ABCA13: variants seen among roughly 807,000 people sequenced by gnomAD.
ABCA13 encodes ATP binding cassette subfamily A member 13.
In ABCA13, 476 loss-of-function variants were observed where a neutral mutation model predicts 478.7. That is an observed-to-expected ratio of 0.99 (90% CI 0.92 to 1.07). ABCA13 has a LOEUF of 1.07. ABCA13 is among the 50% of genes least tolerant of loss of function. The pLI is 0.00. For missense variants in ABCA13, 6,060 were observed against 5,910.6 expected (o/e 1.03, Z -0.83); for synonymous variants, 2,252 against 2,158.9 (o/e 1.04, Z -1.20).
chr7:48,280,778 T>C (rs1486737217), intron 18 of ABCA13, among the ~76,000 whole-genome samples: 1 of 152,226 alleles, frequency 6.6e-6, no homozygotes, highest in African/African-American at 2.4e-5. Flanking sequence ...ATGTCTTTAG[T>C]TGGTGAAACA....
chr7:48,209,034 G>T (rs1334664213), intron 3 of ABCA13, among the ~76,000 whole-genome samples: 1 of 151,920 alleles, frequency 6.6e-6, no homozygotes, highest in East Asian at 1.9e-4. Flanking sequence ...TTTATTTAAT[G>T]CTTTTTCAAC....
At chr7:48,609,028 C>A (rs1791758136) in intron 58 of ABCA13, among the ~76,000 whole-genome samples, 1 of 151,980 alleles carries the variant, frequency 6.6e-6, no homozygotes, top group Non-Finnish European at 1.5e-5. Context: ...ATTTGATAAA[C>A]CTTCTACTTT....
Position 48,517,029 on chromosome 7 carries a change from G to A in ABCA13, c.13797+148G>A. 3.2e-6 allele frequency: 3 copies of A among 937,602 alleles called. No homozygotes were observed. The South Asian group carries it at 6.9e-5, about 21-fold the overall frequency. 58.1% of individuals were successfully genotyped at this position (937,602 alleles called of 1,614,324 possible). On this transcript the variant is annotated intron_variant, in intron 52 of 61. Transcript: ENST00000435803. ...TCTTTAAACTCCAGAGAGATAAATG[G>A]ATTCTAATTAACAAAAAACACATTG...
At chr7:48,208,604 C>T (rs1785229781) in intron 3 of ABCA13, among the ~76,000 whole-genome samples, 1 of 151,750 alleles carries the variant, frequency 6.6e-6, no homozygotes, top group Non-Finnish European at 1.5e-5. Flanking sequence ...TTCTTTTTCA[C>T]ATTGTTCACT....
At chr7:48,416,229 A>G (rs1184954503) in intron 41 of ABCA13, among the ~76,000 whole-genome samples, 1 of 152,236 alleles carries the variant, frequency 6.6e-6, no homozygotes, top group Non-Finnish European at 1.5e-5. Context: ...CAAAGCTGCA[A>G]CCTGTTGAAA....
At chr7:48,598,952 C>A (rs1239544910) in intron 58 of ABCA13, among the ~76,000 whole-genome samples, 2 of 151,962 alleles carry the variant, frequency 1.3e-5, no homozygotes, top group Non-Finnish European at 2.9e-5. Context: ...TATCTTTTAT[C>A]CCACTGAATT....
Position 48,219,459 on chromosome 7 carries a change from GGC to G in ABCA13, c.394_395del (p.Ala132LysfsTer29). ...AEEIHGMMDK[A>X]KNLKRLWVER... ...AGGAAATTCATGGAATGATGGACAA[GGC>G]AAAAAACTTAAAAAGACTTTGGGTA... On this transcript the variant is annotated frameshift_variant, in exon 4 of 62. Transcript: ENST00000435803. LOFTEE classifies it high-confidence loss of function. 1 of 1,612,932 alleles carries G rather than the reference GGC, an allele frequency of 6.2e-7. No individual in the cohort carries two copies. Among genetic ancestry groups the G allele is most frequent in the Non-Finnish European group, 8.5e-7 (1 of 1,179,528 alleles).
intron 23 of ABCA13, among the ~76,000 whole-genome samples, chr7:48,299,160 C>A (rs551667156): frequency 2.6e-5 from 4 of 152,294 alleles, no homozygotes; most frequent in African/African-American, 9.6e-5. Context: ...TCTGAGACAG[C>A]TTTCAGCACT....
intron 48 of ABCA13, among the ~76,000 whole-genome samples, chr7:48,499,306 T>G (rs1323674317): frequency 2.0e-5 from 3 of 152,226 alleles, no homozygotes; most frequent in Non-Finnish European, 4.4e-5. Flanking sequence ...TATCTCATAA[T>G]GAATTAATTA....
chr7:48,258,618 T>C (rs975634018), intron 15 of ABCA13, among the ~76,000 whole-genome samples: 1 of 152,164 alleles, frequency 6.6e-6, no homozygotes, highest in Non-Finnish European at 1.5e-5. Flanking sequence ...TGGTTATTTC[T>C]TGTTTTCTGC....
intron 27 of ABCA13, among the ~76,000 whole-genome samples, chr7:48,334,170 A>G (rs1337191027): frequency 6.6e-6 from 1 of 152,118 alleles, no homozygotes; most frequent in Non-Finnish European, 1.5e-5. Flanking sequence ...AAGATTTTAC[A>G]GATCTTCTAC....
At chr7:48,388,853 A>G (rs548894503) in intron 36 of ABCA13, among the ~76,000 whole-genome samples, 187 bp from the exon 37 acceptor site, 2 of 152,316 alleles carry the variant, frequency 1.3e-5, no homozygotes, top group African/African-American at 4.8e-5. Context: ...GTAATCAGTG[A>G]TATCACTTAA....
At chr7:48,387,998 C>T in intron 36 of ABCA13, 39 bp downstream of exon 36, 1 of 1,573,820 alleles carries the variant, frequency 6.4e-7, no homozygotes, top group Non-Finnish European at 8.6e-7. Flanking sequence ...ATGTATTTTT[C>T]CTTTGATCCA....
chr7:48,280,858 C>T (rs1405227639), intron 18 of ABCA13, among the ~76,000 whole-genome samples: 1 of 152,202 alleles, frequency 6.6e-6, no homozygotes, highest in African/African-American at 2.4e-5. Flanking sequence ...CTTCCTTCTT[C>T]ATCTCCTCCT....
At chr7:48,618,106 C>A (rs1356683017) in intron 59 of ABCA13, among the ~76,000 whole-genome samples, 1 of 152,126 alleles carries the variant, frequency 6.6e-6, no homozygotes, top group African/African-American at 2.4e-5. Context: ...TTCATCCCAC[C>A]TTCCTGAGCC....
At chr7:48,226,343 A>G (rs1231812442) in intron 5 of ABCA13, among the ~76,000 whole-genome samples, 1 of 152,166 alleles carries the variant, frequency 6.6e-6, no homozygotes, top group Non-Finnish European at 1.5e-5. Flanking sequence ...GAAAGAGCTC[A>G]TTCTGGGAGC....
intron 42 of ABCA13, among the ~76,000 whole-genome samples, chr7:48,442,258 C>T (rs1169225133): frequency 7.1e-6 from 1 of 140,896 alleles, no homozygotes; most frequent in East Asian, 2.2e-4. Context: ...GTTGTATTGG[C>T]AGCTTGGGCT....
intron 55 of ABCA13, among the ~76,000 whole-genome samples, chr7:48,532,565 T>C (rs886770104): frequency 2.6e-5 from 4 of 152,146 alleles, no homozygotes; most frequent in Admixed American, 2.6e-4. Context: ...TAGAATAGTG[T>C]CAATAGGATT....
At position 48,272,667 on chromosome 7, in the gene ABCA13, C is replaced by A. The variant is rs1795777477; in HGVS notation, c.3001C>A (p.Gln1001Lys). 6.2e-7 allele frequency: 1 copy of A among 1,612,884 alleles called. No individual in the cohort carries two copies. The highest frequency in any genetic ancestry group is 1.3e-5 in the African/African-American group (1 of 75,006). The change falls in exon 17 of 62, where the codon CAA (glutamine) becomes AAA (lysine). Residue 1001 changes from glutamine to lysine, a missense_variant. Physicochemically the swap from Gln to Lys is moderately conservative, Grantham distance 53 (BLOSUM62 1). This residue lies in a region of ABCA13 where 4,423 missense variants were observed against 4,309.1 expected (regional missense o/e 1.03). Coordinates refer to ENST00000435803, the MANE Select transcript of ABCA13 (RefSeq NM_152701.5). Reference sequence around the variant, plus strand: ...AAAACACATTTTGGATATCATAAAACAATTTAATTTCCAAAACATCAGTAA... The same window carrying A: ...AAAACACATTTTGGATATCATAAAAAAATTTAATTTCCAAAACATCAGTAA... ...ISKHILDIIK[Q>K]FNFQNISKAF...
Sources: allele counts gnomAD v4.1 joint callset (sites outside exome capture counted in the v4.1 genomes callset), GRCh38; gene constraint gnomAD v4.1.1; regional missense constraint gnomAD v4.1.1; transcripts MANE v1.5; gene names NCBI Gene and HGNC (gene_info 2026-07-23, HGNC 2026-07-21).